The following AKAP6 variants were observed in gnomAD, a reference collection of about 807,000 sequenced individuals.
The protein encoded by AKAP6 is A-kinase anchoring protein 6.
In AKAP6, 58 loss-of-function variants were observed where a neutral mutation model predicts 188.5. The ratio of observed to expected loss-of-function variants is 0.31; its 90% confidence interval spans 0.25 to 0.38. AKAP6 has a LOEUF of 0.38. AKAP6 is among the 10% of genes least tolerant of loss of function. The pLI, the probability that AKAP6 is intolerant of heterozygous loss-of-function variation, is 1.00. For missense variants in AKAP6, 2,710 were observed against 2,740.0 expected, an observed-to-expected ratio of 0.99 and a Z score of 0.24; for synonymous variants, 989 against 998.6, an observed-to-expected ratio of 0.99 and a Z score of 0.18.
chr14:32,391,028 C>T (rs1288450704), intron 1 of AKAP6, among the ~76,000 whole-genome samples: 2 of 152,114 alleles, frequency 1.3e-5, no homozygotes, highest in Non-Finnish European at 2.9e-5. Context: ...GGTACCAGTG[C>T]AGGCTGCTTC....
chr14:32,635,546 G>C (rs116023465), intron 7 of AKAP6, among the ~76,000 whole-genome samples: 1 of 152,060 alleles, frequency 6.6e-6, no homozygotes, highest in Admixed American at 6.6e-5. Flanking sequence ...GCTGTGGCTA[G>C]GAAGCTGTCC....
At chr14:32,676,896 C>T (rs916431167) in intron 7 of AKAP6, among the ~76,000 whole-genome samples, 2 of 152,102 alleles carry the variant, frequency 1.3e-5, no homozygotes, top group Non-Finnish European at 2.9e-5. Context: ...TGCAGTCATG[C>T]AATCTTGGCT....
chr14:32,432,152 T>G (rs1256599083), intron 1 of AKAP6, among the ~76,000 whole-genome samples: 1 of 152,162 alleles, frequency 6.6e-6, no homozygotes, highest in African/African-American at 2.4e-5. Flanking sequence ...GTCAGTCACC[T>G]TTCATCTTTG....
At chr14:32,377,209 C>T (rs939717693) in intron 1 of AKAP6, among the ~76,000 whole-genome samples, 1 of 152,100 alleles carries the variant, frequency 6.6e-6, no homozygotes, top group East Asian at 1.9e-4. Flanking sequence ...CTATGCGTAC[C>T]CTTTGAACCT....
At chr14:32,501,640 T>C (rs1880615285) in intron 2 of AKAP6, among the ~76,000 whole-genome samples, 1 of 152,148 alleles carries the variant, frequency 6.6e-6, no homozygotes, top group Admixed American at 6.6e-5. Context: ...AAGGTATTAT[T>C]ATTACCATAT....
intron 9 of AKAP6, among the ~76,000 whole-genome samples, chr14:32,717,415 G>A (rs1218270532): frequency 6.6e-6 from 1 of 152,026 alleles, no homozygotes; most frequent in Non-Finnish European, 1.5e-5. Context: ...TTTCTGCAAT[G>A]CTGTTTATTT....
At chr14:32,357,085 G>A (rs1887508245) in intron 1 of AKAP6, among the ~76,000 whole-genome samples, 1 of 152,176 alleles carries the variant, frequency 6.6e-6, no homozygotes, top group Admixed American at 6.5e-5. Flanking sequence ...CTAGTTTTTA[G>A]CATAATAGGA....
At chr14:32,335,560 G>A (rs958201881) in intron 1 of AKAP6, among the ~76,000 whole-genome samples, 2 of 152,104 alleles carry the variant, frequency 1.3e-5, no homozygotes, top group Non-Finnish European at 2.9e-5. Flanking sequence ...GGAACTCAGT[G>A]GCATTTCTTT....
intron 1 of AKAP6, among the ~76,000 whole-genome samples, chr14:32,354,882 T>G (rs1887426983): frequency 6.6e-6 from 1 of 152,070 alleles, no homozygotes; most frequent in African/African-American, 2.4e-5. Flanking sequence ...TCCCGGGGAG[T>G]TGCCCTCCTC....
At chr14:32,729,759 A>G (rs2031080699) in intron 9 of AKAP6, among the ~76,000 whole-genome samples, 2 of 152,154 alleles carry the variant, frequency 1.3e-5, no homozygotes, top group Non-Finnish European at 2.9e-5. Context: ...TAAATACTGG[A>G]TGCTTATTTA....
At chr14:32,745,188 A>G (rs1400153054) in intron 11 of AKAP6, among the ~76,000 whole-genome samples, 1 of 152,074 alleles carries the variant, frequency 6.6e-6, no homozygotes, top group Non-Finnish European at 1.5e-5. Flanking sequence ...TGGGCATTGA[A>G]GAGTTAGGTA....
At chr14:32,586,060 T>G (rs7159448) in intron 5 of AKAP6, among the ~76,000 whole-genome samples, 12,595 of 152,166 alleles carry the variant, frequency 0.083, 1,709 homozygotes, top group African/African-American at 0.29. Flanking sequence ...GGGTCAGCCT[T>G]CATAGATTAA....
At chr14:32,333,700 A>G (rs139182497) in intron 1 of AKAP6, among the ~76,000 whole-genome samples, 34 of 152,246 alleles carry the variant, frequency 2.2e-4, no homozygotes, top group African/African-American at 8.2e-4. Context: ...GACAAGACCA[A>G]TATGGCAATT....
chr14:32,471,027 G>T (rs1192005490), intron 2 of AKAP6, among the ~76,000 whole-genome samples: 1 of 152,176 alleles, frequency 6.6e-6, no homozygotes, highest in Non-Finnish European at 1.5e-5. Context: ...ATCTTTCAGT[G>T]AACTTAGGCC....
chr14:32,384,321 A>G (rs528579758), intron 1 of AKAP6, among the ~76,000 whole-genome samples: 3 of 152,328 alleles, frequency 2.0e-5, no homozygotes, highest in South Asian at 2.1e-4. Context: ...TGTGTCTTAC[A>G]TTGCCCTAAT....
At position 32,546,032 on chromosome 14, in the gene AKAP6, A is replaced by C; in HGVS notation, c.1379A>C (p.His460Pro). 6 of 1,614,162 alleles carry C rather than the reference A, an allele frequency of 3.7e-6. No homozygotes were observed. The highest frequency in any genetic ancestry group is 4.2e-6 in the Non-Finnish European group (5 of 1,180,026). The stretch of plus-strand genomic sequence containing the variant: ...GCCAGCCAGTCTTATGAGTGTTTAC[A>C]CAAGGTGGGGAATGGGAACCTTGAA... Reference protein sequence around the residue: ...SAASQSYECLHKVGNGNLENT... With the variant: ...SAASQSYECLPKVGNGNLENT... The change falls in exon 4 of 14, where the codon CAC (histidine) becomes CCC (proline). Residue 460 changes from histidine to proline, a missense_variant. Around this residue, in one of 2 missense-constraint regions of AKAP6, gnomAD observed 2,473 missense variants for 2,426.1 expected, o/e 1.02. Transcript: ENST00000280979.
chr14:32,504,809 C>T (rs1187334759), intron 2 of AKAP6, among the ~76,000 whole-genome samples: 1 of 152,160 alleles, frequency 6.6e-6, no homozygotes, highest in Admixed American at 6.5e-5. Context: ...CAATAAGATA[C>T]AGTCGTGCTC....
chr14:32,637,061 C>T (rs937537265), intron 7 of AKAP6, among the ~76,000 whole-genome samples: 1 of 152,138 alleles, frequency 6.6e-6, no homozygotes, highest in African/African-American at 2.4e-5. Flanking sequence ...TTGGCCTAGC[C>T]TATCATCTCT....
chr14:32,488,913 C>A (rs376835105), intron 2 of AKAP6, among the ~76,000 whole-genome samples: 1 of 152,278 alleles, frequency 6.6e-6, no homozygotes, highest in East Asian at 1.9e-4. Flanking sequence ...CCGCCTTCTG[C>A]GTTGGTCTTG....
Sources: gnomAD v4.1 joint callset for allele counts (sites outside exome capture counted in the v4.1 genomes callset) on GRCh38, gnomAD v4.1.1 for gene constraint, gnomAD v4.1.1 regional missense constraint, MANE v1.5 for transcripts, NCBI Gene and HGNC (gene_info 2026-07-23, HGNC 2026-07-21) for gene names.